Variants in ODAD2 observed in about 807,000 individuals in gnomAD.
ODAD2 encodes the protein outer dynein arm docking complex subunit 2, also known as outer dynein arm-docking complex subunit 2.
ODAD2 carries 89 observed loss-of-function variants against 106.8 expected under a neutral mutation model. The observed-to-expected ratio is 0.83, with a 90% confidence interval of 0.70 to 0.99. ODAD2 has a LOEUF of 0.99. Ranked by LOEUF, ODAD2 falls within the 50% of genes least tolerant of loss-of-function variation. ODAD2 has a pLI of 0.00. For missense variants in ODAD2, 1,168 were observed against 1,238.5 expected, an observed-to-expected ratio of 0.94 and a Z score of 0.85; for synonymous variants, 404 against 436.2, an observed-to-expected ratio of 0.93 and a Z score of 0.92.
intron 10 of ODAD2, among the ~76,000 whole-genome samples, chr10:27,959,322 T>G (rs922385844): frequency 1.5e-4 from 23 of 151,312 alleles, no homozygotes; most frequent in Non-Finnish European, 3.1e-4. Flanking sequence ...TGGCCCTGTC[T>G]AGAGCTGCCC....
chr10:27,833,848 A>G (rs757132234), intron 19 of ODAD2, among the ~76,000 whole-genome samples: 3 of 152,222 alleles, frequency 2.0e-5, no homozygotes, highest in Non-Finnish European at 4.4e-5. Flanking sequence ...ACAGCAAGGT[A>G]AAGGTACACC....
At chr10:27,980,442 A>G (rs898342404) in intron 7 of ODAD2, among the ~76,000 whole-genome samples, 2 of 152,184 alleles carry the variant, frequency 1.3e-5, no homozygotes, top group Non-Finnish European at 2.9e-5. Context: ...TCTATCTGAT[A>G]AGGGGTTAAT....
At chr10:27,841,898 G>A (rs528558149) in intron 19 of ODAD2, among the ~76,000 whole-genome samples, 21 of 152,128 alleles carry the variant, frequency 1.4e-4, no homozygotes, top group Non-Finnish European at 2.4e-4. Flanking sequence ...GGGACTACAG[G>A]TATGCACCAC....
chr10:27,937,845 G>A (rs1407890446), intron 14 of ODAD2, among the ~76,000 whole-genome samples: 1 of 152,144 alleles, frequency 6.6e-6, no homozygotes. Context: ...CAACTCAGTG[G>A]TTACTCTGAT....
chr10:27,836,495 T>C (rs1288217650), intron 19 of ODAD2, among the ~76,000 whole-genome samples: 1 of 152,220 alleles, frequency 6.6e-6, no homozygotes, highest in Non-Finnish European at 1.5e-5. Flanking sequence ...TATGTAAACA[T>C]ATCTATACCA....
intron 6 of ODAD2, among the ~76,000 whole-genome samples, chr10:27,982,321 C>T (rs1849604318): frequency 1.3e-5 from 2 of 151,898 alleles, no homozygotes; most frequent in South Asian, 2.1e-4. Context: ...TTTTATGGTC[C>T]TTGTCTTTCA....
intron 16 of ODAD2, among the ~76,000 whole-genome samples, chr10:27,930,129 A>G (rs1262644979): frequency 1.3e-5 from 2 of 151,232 alleles, no homozygotes; most frequent in African/African-American, 4.9e-5. Flanking sequence ...AGTTGTGTTT[A>G]TTATATTTCT....
At chr10:27,871,740 G>A (rs1192128173) in intron 17 of ODAD2, among the ~76,000 whole-genome samples, 1 of 152,162 alleles carries the variant, frequency 6.6e-6, no homozygotes, top group Non-Finnish European at 1.5e-5. Flanking sequence ...CCAGTACCAT[G>A]CAGTTTTGGT....
chr10:27,994,938 C>G lies in ODAD2; in HGVS notation c.205G>C (p.Glu69Gln), dbSNP rs61729351. The G allele has an allele frequency of 4.1e-4, 658 of 1,614,148 alleles. 2 individuals are homozygous for G. The African/African-American group carries it at 7.6e-3, about 19-fold the overall frequency. ...GCTTACCTGACAACATAACCTGATT[C>G]AAATGCTGAGGGCGCCAAACTTGTG... ...WNTSLAPSAF[E>Q]SGYVVSETTV... Residue 69 changes from glutamate (E) to glutamine (Q), a missense_variant, in exon 2 of 20, where the codon GAA becomes CAA. Transcript: ENST00000305242.
chr10:27,917,173 A>G (rs151062642), intron 16 of ODAD2, among the ~76,000 whole-genome samples: 146 of 152,296 alleles, frequency 9.6e-4, no homozygotes, highest in African/African-American at 3.2e-3. Flanking sequence ...CTGAAATCAC[A>G]TATAATATCA....
chr10:27,834,268 G>A (rs1219982020), intron 19 of ODAD2, among the ~76,000 whole-genome samples: 5 of 152,134 alleles, frequency 3.3e-5, no homozygotes, highest in Non-Finnish European at 7.4e-5. Flanking sequence ...GTCTAGGGCT[G>A]GTAGCATCGC....
intron 19 of ODAD2, among the ~76,000 whole-genome samples, chr10:27,824,155 A>G (rs1353710314): frequency 6.6e-6 from 1 of 151,434 alleles, no homozygotes; most frequent in Non-Finnish European, 1.5e-5. Flanking sequence ...AAAAAAAAAA[A>G]AAAAAAAAAA....
intron 17 of ODAD2, among the ~76,000 whole-genome samples, chr10:27,872,104 T>C (rs995958242): frequency 2.6e-5 from 4 of 152,148 alleles, no homozygotes; most frequent in African/African-American, 7.2e-5. Flanking sequence ...AGGTATTTTA[T>C]TCTCTTTGAA....
intron 10 of ODAD2, among the ~76,000 whole-genome samples, chr10:27,961,279 C>T (rs1848121626): frequency 1.3e-5 from 2 of 152,084 alleles, no homozygotes; most frequent in Non-Finnish European, 2.9e-5. Flanking sequence ...TCTTCCATAC[C>T]ATACTACAAA....
chr10:27,966,925 T>G (rs1848522271), intron 9 of ODAD2, among the ~76,000 whole-genome samples: 1 of 146,670 alleles, frequency 6.8e-6, no homozygotes, highest in Admixed American at 7.0e-5. Context: ...AGAAGAGCAC[T>G]ACCTAGGGAT....
Position 27,957,346 on chromosome 10 carries a change from C to T in ODAD2, c.1386+4222G>A, listed in dbSNP as rs1223799612. 3 of 152,340 alleles carry T rather than the reference C, an allele frequency of 2.0e-5. No individual in the cohort carries two copies. In the East Asian group the frequency reaches 5.8e-4, roughly 29 times the overall value. 9.4% of individuals were successfully genotyped at this position (152,340 alleles called of 1,614,324 possible). A position where few individuals can be genotyped will look rare whatever the true frequency, so the allele number is the denominator to read the frequency against. Reference sequence around the variant, plus strand: ...AAAGCCCTGCCACTAAGGAACCTCGCCCTCTCCCCTTCACACCATCGGGGC... The same window carrying T: ...AAAGCCCTGCCACTAAGGAACCTCGTCCTCTCCCCTTCACACCATCGGGGC... On this transcript the variant is annotated intron_variant, in intron 10 of 19. Coordinates refer to ENST00000305242, the MANE Select transcript of ODAD2 (RefSeq NM_018076.5).
chr10:27,944,290 T>C lies in ODAD2; in HGVS notation c.1675A>G (p.Ile559Val). 1.2e-6 allele frequency: 2 copies of C among 1,613,340 alleles called. No homozygotes were observed. The highest frequency in any genetic ancestry group is 1.7e-6 in the Non-Finnish European group (2 of 1,179,492). Residue 559 changes from isoleucine (I) to valine (V), a missense_variant, in exon 12 of 20, where the codon ATC becomes GTC. Ile to Val is a conservative substitution (Grantham distance 29). Transcript: ENST00000305242. Reference sequence around the variant, plus strand: ...CTTTTAAACTTGGCAACATTCGCGATAGTCTCGGCTGCCAAACATTTTAGA... The same window carrying C: ...CTTTTAAACTTGGCAACATTCGCGACAGTCTCGGCTGCCAAACATTTTAGA... ...KSLKCLAAET[I>V]ANVAKFKRAR...
chr10:27,996,986 T>C (rs1850592430), intron 1 of ODAD2, among the ~76,000 whole-genome samples: 2 of 152,202 alleles, frequency 1.3e-5, no homozygotes, highest in Non-Finnish European at 2.9e-5. Flanking sequence ...CTATATTAAA[T>C]ATGTAAGATT....
In ODAD2 at chr10:27,985,119, T is replaced by C; in HGVS notation, c.475A>G (p.Arg159Gly). 1.2e-6 allele frequency: 2 copies of C among 1,601,434 alleles called. No individual in the cohort carries two copies. The highest frequency in any genetic ancestry group is 1.7e-6 in the Non-Finnish European group (2 of 1,173,326). The change falls in exon 4 of 20, where the codon AGA becomes GGA. Residue 159 changes from arginine to glycine, a missense_variant. Arg to Gly is a moderately radical substitution (Grantham distance 125). Around this residue, in one of 3 missense-constraint regions of ODAD2, gnomAD observed 430 missense variants for 452.2 expected, o/e 0.95. Transcript: ENST00000305242. ...IALNILGKIT[R>G]DDDPESEIKM... Reference sequence around the variant, plus strand: ...ATTTCACTTTCAGGATCATCATCTCTGGTAATTTTGCCAAGAATATTTAAT... The same window carrying C: ...ATTTCACTTTCAGGATCATCATCTCCGGTAATTTTGCCAAGAATATTTAAT...
Sources: gnomAD v4.1 joint callset for allele counts (sites outside exome capture counted in the v4.1 genomes callset) on GRCh38, gnomAD v4.1.1 for gene constraint, gnomAD v4.1.1 regional missense constraint, MANE v1.5 for transcripts, NCBI Gene and HGNC (gene_info 2026-07-23, HGNC 2026-07-21) for gene names.